Variants in CRBN observed in about 807,000 individuals in gnomAD.
CRBN encodes protein cereblon.
In CRBN, 53 loss-of-function variants were observed where a neutral mutation model predicts 62.2. That is an observed-to-expected ratio of 0.85 (90% confidence interval 0.68 to 1.07). The LOEUF is 1.07. Among genes scored for constraint, CRBN ranks in the 50% least tolerant of loss-of-function variants. The probability of loss-of-function intolerance (pLI) is 0.00; values close to 1 mark genes in which losing one functional copy is unlikely to be tolerated. For missense variants in CRBN, 616 were observed against 531.1 expected (o/e 1.16, Z -1.57); for synonymous variants, 208 against 176.1 (o/e 1.18, Z -1.43).
intron 4 of CRBN, 83 bp from the exon 5 acceptor site, chr3:3,167,876 T>A: frequency 7.4e-7 from 1 of 1,343,774 alleles, no homozygotes. Flanking sequence ...GTGATAATTT[T>A]AAATACCAAG....
At chr3:3,151,686 A>C (rs1319925172) in intron 10 of CRBN, among the ~76,000 whole-genome samples, 3 of 152,122 alleles carry the variant, frequency 2.0e-5, no homozygotes, top group Non-Finnish European at 2.9e-5. Flanking sequence ...GTGCCAAGTA[A>C]GATAGGGCAA....
intron 2 of CRBN, among the ~76,000 whole-genome samples, chr3:3,174,578 C>A (rs1337425880): frequency 1.3e-5 from 2 of 151,930 alleles, no homozygotes; most frequent in African/African-American, 4.8e-5. Flanking sequence ...AAGGTGGAGG[C>A]TGCAGTGAGC....
chr3:3,151,375 G>T (rs972648372), intron 10 of CRBN, among the ~76,000 whole-genome samples: 2 of 152,038 alleles, frequency 1.3e-5, no homozygotes, highest in Admixed American at 1.3e-4. Context: ...ATTCTAACTT[G>T]TACTGGCTTT....
chr3:3,149,829 A>AC (rs1448529252), downstream of CRBN: 1 of 152,176 alleles, frequency 6.6e-6, no homozygotes, highest in African/African-American at 2.4e-5. Flanking sequence ...TTGAGTAAAC[A>AC]TTTAACCTGA....
chr3:3,171,216 G>A (rs1052427064), intron 4 of CRBN, among the ~76,000 whole-genome samples: 5 of 152,118 alleles, frequency 3.3e-5, no homozygotes, highest in African/African-American at 1.2e-4. Flanking sequence ...AGTCACTAAT[G>A]TCAAGACAGT....
In CRBN at chr3:3,179,631, C is replaced by A. The variant is rs765288256; in HGVS notation, c.57G>T (p.Pro19=). The part of the protein sequence containing the change: ...DAAHNMGNHL[P]LLPAESEEED... ...ACTCCGGGCGGTTACCAGGCAGGAG[C>A]GGCAGGTGGTTGCCCATGTTGTGCG... The change falls in exon 1 of 11, where the codon CCG becomes CCT. Residue 19 remains proline, a synonymous_variant. Transcript: ENST00000231948. 6 of 1,613,356 alleles carry A rather than the reference C, an allele frequency of 3.7e-6. No homozygotes were observed. In the East Asian group the frequency reaches 1.1e-4, roughly 30 times the overall value.
intron 3 of CRBN, among the ~76,000 whole-genome samples, chr3:3,173,653 T>C (rs1707717174): frequency 6.6e-6 from 1 of 152,166 alleles, no homozygotes; most frequent in African/African-American, 2.4e-5. Flanking sequence ...CAATTTAAAG[T>C]GGTACAACCT....
At position 3,150,045 on chromosome 3, in the gene CRBN, A is replaced by G. The variant is rs1413129405; in HGVS notation, c.*820T>C. The G allele has an allele frequency of 1.3e-5, 2 of 152,114 alleles. No individual in the cohort carries two copies. The highest frequency in any genetic ancestry group is 2.9e-5 in the Non-Finnish European group (2 of 67,992). The allele number at this position is 152,114 out of a possible 1,614,324, so 9.4% of individuals were successfully genotyped here. A position where few individuals can be genotyped will look rare whatever the true frequency, so the allele number is the denominator to read the frequency against. On this transcript the variant is annotated 3_prime_UTR_variant, in exon 11 of 11. Coordinates refer to ENST00000231948, the MANE Select transcript of CRBN (RefSeq NM_016302.4). ...ACACTTAAGGTTTACTTACTTACAG[A>G]TTTTCTTCAATTTACATTGAACAAA...
At chr3:3,151,714 T>C (rs1706565552) in intron 10 of CRBN, among the ~76,000 whole-genome samples, 1 of 152,222 alleles carries the variant, frequency 6.6e-6, no homozygotes, top group African/African-American at 2.4e-5. Context: ...TACATAGTCC[T>C]AACCCCAGAG....
At chr3:3,165,633 T>C (rs1386286241) in intron 5 of CRBN, among the ~76,000 whole-genome samples, 2 of 152,224 alleles carry the variant, frequency 1.3e-5, no homozygotes, top group Admixed American at 6.5e-5. Flanking sequence ...ATTGTACACA[T>C]GATAGACTAC....
Position 3,153,477 on chromosome 3 carries a change from A to C in CRBN, c.963T>G (p.Leu321=). The change falls in exon 9 of 11, where the codon CTT becomes CTG. Residue 321 remains leucine, a synonymous_variant. Transcript: ENST00000231948. ...ELDIMNKCTS[L]CCKQCQETEI... ...CTGTTTCTTGACATTGTTTACAGCAAAGGGAAGTACACTAAAAGATTTGAG... is the reference window on the plus strand; with the variant it reads ...CTGTTTCTTGACATTGTTTACAGCACAGGGAAGTACACTAAAAGATTTGAG... 1.3e-6 allele frequency: 2 copies of C among 1,575,070 alleles called. No homozygotes were observed. The highest frequency in any genetic ancestry group is 1.7e-6 in the Non-Finnish European group (2 of 1,144,660).
At chr3:3,164,658 C>T (rs1707258053) in intron 5 of CRBN, among the ~76,000 whole-genome samples, 1 of 152,176 alleles carries the variant, frequency 6.6e-6, no homozygotes, top group Non-Finnish European at 1.5e-5. Context: ...GCTGTTGAGA[C>T]CTACTGCTCA....
intron 5 of CRBN, among the ~76,000 whole-genome samples, chr3:3,158,252 G>A (rs545422661): frequency 2.0e-5 from 3 of 152,290 alleles, no homozygotes; most frequent in South Asian, 4.1e-4. Context: ...GCTCCTATAA[G>A]AATCTATGCT....
intron 1 of CRBN, among the ~76,000 whole-genome samples, chr3:3,175,599 T>C (rs1164172928): frequency 6.6e-6 from 1 of 152,232 alleles, no homozygotes. Flanking sequence ...AAGGAATCAG[T>C]CTTGGTACAT....
At chr3:3,154,415 C>G (rs1370519467) in intron 7 of CRBN, 4 of 451,950 alleles carry the variant, frequency 8.9e-6, no homozygotes, top group South Asian at 2.3e-5. Context: ...AGTCCTGGAA[C>G]TAGACTCACT....
intron 5 of CRBN, among the ~76,000 whole-genome samples, chr3:3,162,771 C>T (rs1009808949): frequency 6.6e-6 from 1 of 152,132 alleles, no homozygotes; most frequent in African/African-American, 2.4e-5. Context: ...TAAGCATCTC[C>T]CAACTCTGAC....
chr3:3,162,614 T>A (rs1672763), intron 5 of CRBN, among the ~76,000 whole-genome samples: 137,946 of 152,228 alleles, frequency 0.91, 63,612 homozygotes, highest in East Asian at 1. Context: ...GTCATTTGAG[T>A]TGTTTAGGTT....
intron 5 of CRBN, among the ~76,000 whole-genome samples, chr3:3,167,228 T>C (rs1272846839): frequency 1.3e-5 from 2 of 152,150 alleles, no homozygotes; most frequent in African/African-American, 2.4e-5. Context: ...CCTTTCTCTC[T>C]GGTTTGGAAG....
At chr3:3,171,814 A>T (rs1707628873) in intron 4 of CRBN, among the ~76,000 whole-genome samples, 1 of 152,192 alleles carries the variant, frequency 6.6e-6, no homozygotes, top group African/African-American at 2.4e-5. Context: ...CAAAATACTC[A>T]GAACTTGCAT....
Sources: gnomAD v4.1 joint callset for allele counts (sites outside exome capture counted in the v4.1 genomes callset) on GRCh38, gnomAD v4.1.1 for gene constraint, MANE v1.5 for transcripts, NCBI Gene and HGNC (gene_info 2026-07-23, HGNC 2026-07-21) for gene names.